ADRA1A: variants seen among roughly 807,000 people sequenced by gnomAD.
ADRA1A encodes the protein adrenoceptor alpha 1A, also known as alpha-1A adrenergic receptor.
A neutral mutation model predicts 29.6 loss-of-function variants in ADRA1A; 31 were observed. The ratio of observed to expected loss-of-function variants is 1.05; its 90% CI spans 0.79 to 1.41. ADRA1A has a LOEUF of 1.41. ADRA1A is among the 40% of genes most tolerant of loss of function. The pLI, the probability that ADRA1A is intolerant of heterozygous loss-of-function variation, is 0.00. For missense variants in ADRA1A, 619 were observed against 601.1 expected (o/e 1.03, Z -0.31); for synonymous variants, 311 against 254.3 (o/e 1.22, Z -2.12).
downstream of ADRA1A, chr8:26,756,280 A>G (rs983834971): frequency 1.1e-5 from 4 of 370,312 alleles, no homozygotes; most frequent in South Asian, 4.8e-5. Flanking sequence ...TAAATGAACA[A>G]GGCTTGTACA....
chr8:26,860,076 G>A lies in ADRA1A; in HGVS notation c.883+4011C>T, dbSNP rs980464856. On this transcript the variant is annotated intron_variant, in intron 2 of 2. Coordinates refer to ENST00000380573, the MANE Select transcript of ADRA1A (RefSeq NM_000680.4). The surrounding 1 kb of genome is among the most constrained non-coding windows in gnomAD (Gnocchi z 4.7). ...GCCACCGCGCCTGGCACCTCACTAGGATTTAAAAGAAGCCCAGTGATTCCG... is the reference window on the plus strand; with the variant it reads ...GCCACCGCGCCTGGCACCTCACTAGAATTTAAAAGAAGCCCAGTGATTCCG... Among the ~76,000 whole-genome samples, 6 of 152,050 alleles carry A rather than the reference G, an allele frequency of 3.9e-5. No individual in the cohort carries two copies. Among genetic ancestry groups the A allele is most frequent in the Non-Finnish European group, 7.4e-5 (5 of 68,018 alleles).
intron 2 of ADRA1A, among the ~76,000 whole-genome samples, chr8:26,809,203 TG>T (rs1268699302): frequency 1.3e-5 from 2 of 152,266 alleles, no homozygotes; most frequent in African/African-American, 4.8e-5. Context: ...AAAGCTAATT[TG>T]AACTATTGTC....
downstream of ADRA1A, among the ~76,000 whole-genome samples, chr8:26,754,097 C>G (rs1205243609): frequency 6.6e-6 from 1 of 152,130 alleles, no homozygotes; most frequent in Non-Finnish European, 1.5e-5. Context: ...ACATCATAAA[C>G]AGATGGACCT....
At chr8:26,858,465 T>C (rs1813202736) in intron 2 of ADRA1A, among the ~76,000 whole-genome samples, 2 of 152,230 alleles carry the variant, frequency 1.3e-5, no homozygotes, top group Non-Finnish European at 2.9e-5. Flanking sequence ...CCATTTACTC[T>C]GAGTTAGGCA....
intron 2 of ADRA1A, chr8:26,779,478 T>G (rs890118679): frequency 8.8e-6 from 6 of 682,926 alleles, no homozygotes; most frequent in African/African-American, 1.8e-5. Flanking sequence ...CCCCTTCCTA[T>G]CTGTAAGAGC....
intron 2 of ADRA1A, among the ~76,000 whole-genome samples, chr8:26,863,463 T>C: frequency 6.6e-6 from 1 of 152,346 alleles, no homozygotes; most frequent in Middle Eastern, 3.4e-3. Context: ...TTATTGGAAA[T>C]ACTATGATTA....
At chr8:26,779,377 G>A (rs1186241819) in intron 2 of ADRA1A, 12 of 702,670 alleles carry the variant, frequency 1.7e-5, no homozygotes, top group Non-Finnish European at 3.1e-5. Context: ...TGGTGAACTG[G>A]TTGTTTAAAG....
In ADRA1A at chr8:26,825,800, C is replaced by T. The variant is rs1334510585; in HGVS notation, c.883+38287G>A. ...ATCCTGCGGGCATTCTGGTTCGATA[C>T]TAGGCACAGTGTTGATTGCCTGTTT... On this transcript the variant is annotated intron_variant, in intron 2 of 2. Transcript: ENST00000380573. The surrounding 1 kb of genome is among the most constrained non-coding windows in gnomAD (Gnocchi z 5.7). 3.3e-5 allele frequency among the ~76,000 whole-genome samples: 5 copies of T among 152,208 alleles called. No homozygotes were observed. The highest frequency in any genetic ancestry group is 1.2e-4 in the African/African-American group (5 of 41,450).
chr8:26,840,251 G>T (rs1347279280), intron 2 of ADRA1A, among the ~76,000 whole-genome samples: 1 of 152,246 alleles, frequency 6.6e-6, no homozygotes, highest in Non-Finnish European at 1.5e-5. Flanking sequence ...TGGGAGACTG[G>T]AAATCCCTGG....
At chr8:26,828,075 G>A (rs1332157221) in intron 2 of ADRA1A, among the ~76,000 whole-genome samples, 1 of 151,834 alleles carries the variant, frequency 6.6e-6, no homozygotes, top group Non-Finnish European at 1.5e-5. Context: ...TATATTTTTG[G>A]TAGAGACAGG....
At chr8:26,822,912 G>A (rs1450034110) in intron 2 of ADRA1A, among the ~76,000 whole-genome samples, 1 of 152,086 alleles carries the variant, frequency 6.6e-6, no homozygotes, top group Non-Finnish European at 1.5e-5. Context: ...CAAATCTCAT[G>A]ACAGCTCACT....
At chr8:26,755,675 G>A (rs994726001), downstream of ADRA1A, among the ~76,000 whole-genome samples, 4 of 152,128 alleles carry the variant, frequency 2.6e-5, no homozygotes, top group South Asian at 2.1e-4. Flanking sequence ...CTCTGCAGCC[G>A]GCTGAGGCCC....
intron 2 of ADRA1A, among the ~76,000 whole-genome samples, chr8:26,851,264 G>A (rs1812609190): frequency 6.6e-6 from 1 of 152,110 alleles, no homozygotes. Flanking sequence ...GGGTGGTGGA[G>A]TAACAGAGAG....
chr8:26,769,411 G>A lies in ADRA1A; in HGVS notation c.*738C>T, dbSNP rs1805974997. ...TGAAAGAATGATGCTCAGGTCTATT[G>A]TTTTCTCTTGGGAAAAGCCATACCA... On this transcript the variant is annotated 3_prime_UTR_variant, in exon 3 of 3. Coordinates refer to ENST00000380573, the MANE Select transcript of ADRA1A (RefSeq NM_000680.4). The A allele has an allele frequency of 1.0e-6, 1 of 985,268 alleles. No homozygotes were observed. The highest frequency in any genetic ancestry group is 6.1e-5 in the Admixed American group (1 of 16,266). The allele number at this position is 985,268 out of a possible 1,614,324, so 61.0% of individuals were successfully genotyped here. A position where few individuals can be genotyped will look rare whatever the true frequency, so the allele number is the denominator to read the frequency against.
At chr8:26,750,297 G>C (rs574501779) in intron 2 of ADRA1A, among the ~76,000 whole-genome samples, 94 of 152,170 alleles carry the variant, frequency 6.2e-4, no homozygotes, top group African/African-American at 2.2e-3. Context: ...TGCTTCCTGG[G>C]TTCAAGCCAT....
chr8:26,792,896 G>A (rs938591409), intron 2 of ADRA1A, among the ~76,000 whole-genome samples: 1 of 151,122 alleles, frequency 6.6e-6, no homozygotes, highest in East Asian at 1.9e-4. Context: ...AAAAATAAAT[G>A]TAAATGGATT....
intron 2 of ADRA1A, among the ~76,000 whole-genome samples, chr8:26,778,873 A>G (rs904998996): frequency 6.6e-5 from 10 of 152,102 alleles, no homozygotes; most frequent in Admixed American, 5.9e-4. Flanking sequence ...CAGCACACCA[A>G]CATGGCACAT....
intron 2 of ADRA1A, among the ~76,000 whole-genome samples, chr8:26,858,446 C>A (rs748790626): frequency 6.6e-6 from 1 of 152,152 alleles, no homozygotes; most frequent in Admixed American, 6.5e-5. Context: ...GTAAGATGAA[C>A]ATTTATTACC....
intron 2 of ADRA1A, among the ~76,000 whole-genome samples, chr8:26,813,296 G>A (rs1287897774): frequency 2.0e-5 from 3 of 152,124 alleles, no homozygotes; most frequent in African/African-American, 7.2e-5. Flanking sequence ...GTGACATCGT[G>A]GGGCTAGGCT....
Sources: gnomAD v4.1 joint callset for allele counts (sites outside exome capture counted in the v4.1 genomes callset) on GRCh38, gnomAD v4.1.1 for gene constraint, Gnocchi (gnomAD v3.1) non-coding constraint, MANE v1.5 for transcripts, NCBI Gene and HGNC (gene_info 2026-07-23, HGNC 2026-07-21) for gene names.